Variants in NELL1 observed in about 807,000 individuals in gnomAD.
NELL1 encodes the protein protein kinase C-binding protein NELL1.
A neutral mutation model predicts 107.4 loss-of-function variants in NELL1; 76 were observed. The ratio of observed to expected loss-of-function variants is 0.71; its 90% confidence interval spans 0.59 to 0.86. The LOEUF (loss-of-function observed/expected upper bound fraction) is 0.86. Ranked by LOEUF, NELL1 falls within the 40% of genes least tolerant of loss-of-function variation. The pLI is 0.00. For synonymous variants in NELL1, 353 were observed against 341.2 expected (o/e 1.03, Z -0.38); for missense variants, 1,024 against 1,005.5 (o/e 1.02, Z -0.25).
At chr11:21,294,019 A>G (rs1849325394) in intron 14 of NELL1, among the ~76,000 whole-genome samples, 2 of 152,182 alleles carry the variant, frequency 1.3e-5, no homozygotes, top group Non-Finnish European at 2.9e-5. Flanking sequence ...TTCCACGTGT[A>G]TACTTATGTA....
intron 14 of NELL1, among the ~76,000 whole-genome samples, chr11:21,312,161 G>A (rs1400350069): frequency 6.6e-6 from 1 of 152,096 alleles, no homozygotes; most frequent in African/African-American, 2.4e-5. Context: ...TTATAACAGT[G>A]TGAATGAACT....
At chr11:20,803,432 T>A (rs1296366905) in intron 3 of NELL1, among the ~76,000 whole-genome samples, 1 of 152,190 alleles carries the variant, frequency 6.6e-6, no homozygotes, top group Non-Finnish European at 1.5e-5. Flanking sequence ...TTATTTGTTA[T>A]CTCTTTTTTC....
intron 15 of NELL1, among the ~76,000 whole-genome samples, chr11:21,454,009 T>G (rs1265655478): frequency 6.7e-5 from 10 of 149,648 alleles, no homozygotes; most frequent in Non-Finnish European, 1.3e-4. Context: ...ACATGTGCCA[T>G]GCTGGTGCGC....
At chr11:21,415,634 C>T (rs769120675) in intron 15 of NELL1, among the ~76,000 whole-genome samples, 13 of 151,914 alleles carry the variant, frequency 8.6e-5, no homozygotes, top group African/African-American at 2.2e-4. Context: ...GTCACTGTGG[C>T]GTCTCTTTAA....
intron 12 of NELL1, among the ~76,000 whole-genome samples, chr11:21,080,358 C>A (rs1854236842): frequency 6.6e-6 from 1 of 152,074 alleles, no homozygotes; most frequent in Non-Finnish European, 1.5e-5. Context: ...ATGTCCTTTT[C>A]ATGATCTGGC....
chr11:21,371,547 A>C (rs1333903853), intron 15 of NELL1, among the ~76,000 whole-genome samples: 1 of 151,988 alleles, frequency 6.6e-6, no homozygotes, highest in East Asian at 1.9e-4. Flanking sequence ...GTGAAATCCA[A>C]CTCTTATTGA....
intron 1 of NELL1, among the ~76,000 whole-genome samples, chr11:20,676,920 G>T (rs1328053073): frequency 6.6e-6 from 1 of 151,722 alleles, no homozygotes; most frequent in Non-Finnish European, 1.5e-5. Flanking sequence ...TTTATGAATG[G>T]CTTAAACATA....
intron 12 of NELL1, among the ~76,000 whole-genome samples, chr11:21,043,453 G>A (rs891231361): frequency 3.3e-5 from 5 of 152,088 alleles, no homozygotes; most frequent in Non-Finnish European, 7.4e-5. Flanking sequence ...GGGAGACAGA[G>A]GCAGGTCATG....
chr11:20,812,143 T>A (rs1353656540), intron 3 of NELL1, among the ~76,000 whole-genome samples: 2 of 152,234 alleles, frequency 1.3e-5, no homozygotes, highest in Non-Finnish European at 2.9e-5. Flanking sequence ...ATTTTCAACA[T>A]AAAGGAGTGT....
At chr11:21,343,792 A>C (rs1021109991) in intron 14 of NELL1, among the ~76,000 whole-genome samples, 4 of 152,170 alleles carry the variant, frequency 2.6e-5, no homozygotes, top group Admixed American at 6.5e-5. Flanking sequence ...GTAGGTTGCC[A>C]ACCCCTAATC....
chr11:20,973,684 A>G (rs1851547905), intron 12 of NELL1, among the ~76,000 whole-genome samples: 1 of 152,218 alleles, frequency 6.6e-6, no homozygotes, highest in Non-Finnish European at 1.5e-5. Context: ...AATGTGTTCC[A>G]GTTACAGCTT....
intron 15 of NELL1, among the ~76,000 whole-genome samples, chr11:21,491,847 ATTTG>A (rs1854826260): frequency 6.6e-6 from 1 of 152,064 alleles, no homozygotes; most frequent in South Asian, 2.1e-4. Flanking sequence ...ATGTTCTTCC[ATTTG>A]TTTGTATCCT....
chr11:21,371,503 C>CAATA (rs1355282359), intron 15 of NELL1, among the ~76,000 whole-genome samples: 1 of 152,064 alleles, frequency 6.6e-6, no homozygotes. Flanking sequence ...TTTCTATTTG[C>CAATA]AATAAATGTT....
At chr11:21,413,585 G>A (rs1416643687) in intron 15 of NELL1, among the ~76,000 whole-genome samples, 4 of 151,930 alleles carry the variant, frequency 2.6e-5, no homozygotes, top group Non-Finnish European at 4.4e-5. Flanking sequence ...CTAAGAATAC[G>A]GAAATAGGAA....
At position 20,817,385 on chromosome 11, in the gene NELL1, A is replaced by T. The variant is rs145620822; in HGVS notation, c.336-30198A>T. On this transcript the variant is annotated intron_variant, in intron 3 of 19. Coordinates refer to ENST00000357134, the MANE Select transcript of NELL1 (RefSeq NM_006157.5). ...TCCTGGGAAGTTGTGTGTATCCAGGAATTTATCCATTTCCTCTAGATTTTC... is the reference window on the plus strand; with the variant it reads ...TCCTGGGAAGTTGTGTGTATCCAGGTATTTATCCATTTCCTCTAGATTTTC... Among the ~76,000 whole-genome samples, 4 of 152,196 alleles carry T rather than the reference A, an allele frequency of 2.6e-5. No individual in the cohort carries two copies. The East Asian group carries it at 7.7e-4, about 29-fold the overall frequency.
At position 21,456,916 on chromosome 11, in the gene NELL1, A is replaced by ACTT. The variant is rs200832726; in HGVS notation, c.1646-77457_1646-77455dup. Among the ~76,000 whole-genome samples the ACTT allele has an allele frequency of 5.1e-3, 770 of 152,200 alleles. 6 individuals are homozygous for ACTT. Among genetic ancestry groups the ACTT allele is most frequent in the African/African-American group, 0.018 (738 of 41,536 alleles). On this transcript the variant is annotated intron_variant, in intron 15 of 19. Transcript: ENST00000357134. Reference sequence around the variant, plus strand: ...GGTGTTTTTTTTCTAAGATACAAACACTTTTAATTTGATATGTTGATTTCA... The same window carrying ACTT: ...GGTGTTTTTTTTCTAAGATACAAACACTTCTTTTAATTTGATATGTTGATTTCA...
chr11:20,838,080 A>G (rs145540898), intron 3 of NELL1, among the ~76,000 whole-genome samples: 2 of 152,010 alleles, frequency 1.3e-5, no homozygotes, highest in Non-Finnish European at 1.5e-5. Flanking sequence ...AGTAACATCA[A>G]TAGTGATGTC....
At chr11:20,799,659 GTGTA>G (rs55778551) in intron 3 of NELL1, among the ~76,000 whole-genome samples, 84,211 of 150,922 alleles carry the variant, frequency 0.56, 26,571 homozygotes, top group East Asian at 0.87. Context: ...GTATGTATGT[GTGTA>G]TGTATGTATG....
chr11:21,026,116 C>T (rs1565021195), intron 12 of NELL1, among the ~76,000 whole-genome samples: 1 of 152,118 alleles, frequency 6.6e-6, no homozygotes, highest in Non-Finnish European at 1.5e-5. Context: ...TCTGTTTCTG[C>T]CCAATCTCTT....
Sources: allele counts gnomAD v4.1 joint callset (sites outside exome capture counted in the v4.1 genomes callset), GRCh38; gene constraint gnomAD v4.1.1; transcripts MANE v1.5; gene names NCBI Gene and HGNC (gene_info 2026-07-23, HGNC 2026-07-21).